IDH2: variants seen among roughly 807,000 people sequenced by gnomAD.
The protein encoded by IDH2 is isocitrate dehydrogenase (NADP(+)) 2, also known as isocitrate dehydrogenase [NADP], mitochondrial.
Under a neutral mutation model 50.5 loss-of-function variants are expected in IDH2, and 18 were observed. That is an observed-to-expected ratio of 0.36 (90% CI 0.25 to 0.53). The LOEUF (loss-of-function observed/expected upper bound fraction) is 0.53. IDH2 is among the 20% of genes least tolerant of loss of function. The probability of loss-of-function intolerance (pLI) is 0.92; values close to 1 mark genes in which losing one functional copy is unlikely to be tolerated. For missense variants in IDH2, 518 were observed against 610.7 expected (o/e 0.85, Z 1.60); for synonymous variants, 280 against 239.8 (o/e 1.17, Z -1.55).
Position 90,102,375 on chromosome 15 carries a change from G to T in IDH2, c.16C>A (p.Arg6=), listed in dbSNP as rs549177872. 332 of 1,360,676 alleles carry T rather than the reference G, an allele frequency of 2.4e-4. 1 individual carries two copies. The African/African-American group carries it at 4.7e-3, about 19-fold the overall frequency. The allele number at this position is 1,360,676 out of a possible 1,614,324, so 84.3% of individuals were successfully genotyped here. A position where few individuals can be genotyped will look rare whatever the true frequency, so the allele number is the denominator to read the frequency against. ...GCTCTGCAGAGCGAGCGCACGACCC[G>T]CAGGTAGCCGGCCATCCCAAGCTGG... MAGYL[R]VVRSLCRASG... Residue 6 remains arginine (R), a synonymous_variant, in exon 1 of 11, where the codon CGG becomes AGG. Transcript: ENST00000330062.
chr15:90,087,402 G>A (rs1900888392), intron 6 of IDH2, 37 bp downstream of exon 6: 2 of 1,613,864 alleles, frequency 1.2e-6, no homozygotes, highest in South Asian at 2.2e-5. Context: ...TGGGGGGAAG[G>A]GAAGAAAGGC....
At chr15:90,093,246 C>T (rs1901091157) in intron 1 of IDH2, among the ~76,000 whole-genome samples, 1 of 152,212 alleles carries the variant, frequency 6.6e-6, no homozygotes, top group Admixed American at 6.5e-5. Context: ...CCAAGCCAGG[C>T]TCAGACTCCG....
intron 3 of IDH2, among the ~76,000 whole-genome samples, chr15:90,089,177 G>A (rs1391253580): frequency 6.6e-6 from 1 of 152,040 alleles, no homozygotes; most frequent in Non-Finnish European, 1.5e-5. Context: ...GCTTCCCAAA[G>A]TGCTGGGATT....
At position 90,088,371 on chromosome 15, in the gene IDH2, G is replaced by T; in HGVS notation, c.666C>A (p.Tyr222Ter). 6.2e-7 allele frequency: 1 copy of T among 1,613,862 alleles called. No homozygotes were observed. ...FPAGGVGMGMYNTDESISGFA... is the reference protein window; with the variant it reads ...FPAGGVGMGM ...AAGCCAGCCTCACCTCGTCGGTGTT[G>T]TACATGCCCATGCCCACGCCGCCTG... is the stretch of plus-strand genomic sequence containing the variant. Residue 222 changes from tyrosine (Y) to a stop codon, truncating the protein, a stop_gained, in exon 5 of 11, where the codon TAC (tyrosine) becomes TAA (stop). Transcript: ENST00000330062. LOFTEE classifies it high-confidence loss of function.
chr15:90,087,580 AGG>A lies in IDH2; in HGVS notation c.679-7_679-6del, dbSNP rs1258198165. 1 of 1,612,934 alleles carries A rather than the reference AGG, an allele frequency of 6.2e-7. No homozygotes were observed. Among genetic ancestry groups the A allele is most frequent in the Non-Finnish European group, 8.5e-7 (1 of 1,180,020 alleles). The stretch of plus-strand genomic sequence containing the variant: ...GTGCGCAAAACCTGAGATGGACTGC[AGG>A]GGGAGAGACAGGGCCCTGGCGTGGT... On this transcript the variant is annotated splice_polypyrimidine_tract_variant and splice_region_variant and intron_variant, in intron 5 of 10. Transcript: ENST00000330062.
intron 1 of IDH2, among the ~76,000 whole-genome samples, chr15:90,093,660 C>T (rs1407895301): frequency 1.3e-5 from 2 of 152,038 alleles, no homozygotes; most frequent in African/African-American, 4.8e-5. Context: ...TGGTCTGTCA[C>T]CCAGGCTGGA....
intron 7 of IDH2, among the ~76,000 whole-genome samples, chr15:90,086,132 T>G (rs1900853088): frequency 1.3e-5 from 2 of 152,232 alleles, no homozygotes; most frequent in South Asian, 4.1e-4. Flanking sequence ...TGGGAATTGT[T>G]CGGTGAGAGG....
At chr15:90,086,784 G>C (rs1304196126) in intron 7 of IDH2, among the ~76,000 whole-genome samples, 6 of 152,104 alleles carry the variant, frequency 3.9e-5, no homozygotes, top group African/African-American at 1.4e-4. Flanking sequence ...AGAACCTCCA[G>C]TCCCGCTTGA....
intron 3 of IDH2, 66 bp downstream of exon 3, chr15:90,090,413 G>C: frequency 1.3e-6 from 2 of 1,562,230 alleles, no homozygotes; most frequent in East Asian, 2.3e-5. Context: ...CCCACCCCAA[G>C]TCTGGAGAGG....
rs756453792 is a variant in IDH2 at position 90,084,808 on chromosome 15, C to A, written c.1271+8G>T. 6.2e-7 allele frequency: 1 copy of A among 1,611,488 alleles called. No individual in the cohort carries two copies. The highest frequency in any genetic ancestry group is 1.1e-5 in the South Asian group (1 of 91,050). The stretch of plus-strand genomic sequence containing the variant: ...CCCAGGGTCTGCCTACCACCCCAGG[C>A]CACGCACTTGCTGAGGCCGTGAATG... On this transcript the variant is annotated splice_region_variant and intron_variant, in intron 10 of 10. Coordinates refer to ENST00000330062, the MANE Select transcript of IDH2 (RefSeq NM_002168.4). The surrounding 1 kb of genome is among the most constrained non-coding windows in gnomAD (Gnocchi z 5.0).
intron 5 of IDH2, among the ~76,000 whole-genome samples, chr15:90,088,019 A>G (rs74038815): frequency 0.011 from 1,691 of 152,110 alleles, 29 homozygotes; most frequent in African/African-American, 0.039. Context: ...ACTGGGGATA[A>G]AGAGGCATTC....
Position 90,084,826 on chromosome 15 carries a change from C to G in IDH2, c.1261G>C (p.Gly421Arg). 6.2e-7 allele frequency: 1 copy of G among 1,613,684 alleles called. No individual in the cohort carries two copies. Among genetic ancestry groups the G allele is most frequent in the Admixed American group, 1.7e-5 (1 of 60,014 alleles). Residue 421 changes from glycine to arginine, a missense_variant, in exon 10 of 11, where the codon GGC becomes CGC. Gly to Arg is a moderately radical substitution (Grantham distance 125, BLOSUM62 -2). This residue lies in a region of IDH2 where 135 missense variants were observed against 167.6 expected (regional missense o/e 0.81). Coordinates refer to ENST00000330062, the MANE Select transcript of IDH2 (RefSeq NM_002168.4). The surrounding 1 kb of genome is among the most constrained non-coding windows in gnomAD (Gnocchi z 5.0). Reference protein sequence around the residue: ...MTKDLAGCIHGLSNVKLNEHF... With the variant: ...MTKDLAGCIHRLSNVKLNEHF... ...CCCCAGGCCACGCACTTGCTGAGGC[C>G]GTGAATGCAGCCCGCCAGGTCCTTG...
Position 90,084,939 on chromosome 15 carries a change from C to T in IDH2, c.1179-31G>A. 1 of 1,612,672 alleles carries T rather than the reference C, an allele frequency of 6.2e-7. No homozygotes were observed. Among genetic ancestry groups the T allele is most frequent in the Non-Finnish European group, 8.5e-7 (1 of 1,178,762 alleles). On this transcript the variant is annotated intron_variant, in intron 9 of 10. Coordinates refer to ENST00000330062, the MANE Select transcript of IDH2 (RefSeq NM_002168.4). This position sits in a 1 kb window ranked among gnomAD's most constrained non-coding sequence, Gnocchi z 5.0. ...GGGATGGGGCAGAATGAGACCCCAT[C>T]TGTGCAAGGGCAGGACCCAGAGCCT...
At position 90,101,378 on chromosome 15, in the gene IDH2, T is replaced by C. The variant is rs560105427; in HGVS notation, c.115+898A>G. On this transcript the variant is annotated intron_variant, in intron 1 of 10. Transcript: ENST00000330062. ...CATTGTTCCCTGCCTTTTGTAGCTG[T>C]GTTGGGTAGCCAGGGTGAGGGGGCA... Among the ~76,000 whole-genome samples, 4 of 152,240 alleles carry C rather than the reference T, an allele frequency of 2.6e-5. No individual in the cohort carries two copies. The South Asian group carries it at 8.3e-4, about 32-fold the overall frequency.
chr15:90,087,603 G>A (rs376293307), intron 5 of IDH2, 28 bp from the exon 6 acceptor site: 66 of 1,612,076 alleles, frequency 4.1e-5, no homozygotes, highest in Admixed American at 1.2e-4. Context: ...GGGCCCTGGC[G>A]TGGTGCCCTA....
At position 90,084,804 on chromosome 15, in the gene IDH2, C is replaced by T. The variant is rs1900812335; in HGVS notation, c.1271+12G>A. On this transcript the variant is annotated intron_variant, in intron 10 of 10. Transcript: ENST00000330062. The surrounding 1 kb of genome is among the most constrained non-coding windows in gnomAD (Gnocchi z 5.0). ...TGGCCCCAGGGTCTGCCTACCACCC[C>T]AGGCCACGCACTTGCTGAGGCCGTG... The T allele has an allele frequency of 1.9e-6, 3 of 1,608,648 alleles. No individual in the cohort carries two copies. The highest frequency in any genetic ancestry group is 2.6e-6 in the Non-Finnish European group (3 of 1,175,772).
At chr15:90,101,015 T>A (rs898461533) in intron 1 of IDH2, among the ~76,000 whole-genome samples, 2 of 151,980 alleles carry the variant, frequency 1.3e-5, no homozygotes, top group Non-Finnish European at 2.9e-5. Context: ...ATATTTTTGC[T>A]GAAGGTGGTG....
rs1048193361 is a variant in IDH2 at position 90,101,544 on chromosome 15, C to T, written c.115+732G>A. On this transcript the variant is annotated intron_variant, in intron 1 of 10. Transcript: ENST00000330062. ...CCCAGAAGCCGTGGGAACGATTCCG[C>T]AAAGTGACATTTTGCGCGGGCTGCC... 4.6e-5 allele frequency among the ~76,000 whole-genome samples: 7 copies of T among 152,084 alleles called. No individual in the cohort carries two copies. In the East Asian group the frequency reaches 1.4e-3, roughly 29 times the overall value.
chr15:90,087,951 G>C (rs138310663), intron 5 of IDH2, among the ~76,000 whole-genome samples: 9 of 151,904 alleles, frequency 5.9e-5, no homozygotes, highest in Admixed American at 3.9e-4. Context: ...TTTCTCCCCA[G>C]GGCCTCTGTG....
Sources: allele counts gnomAD v4.1 joint callset (sites outside exome capture counted in the v4.1 genomes callset), GRCh38; gene constraint gnomAD v4.1.1; regional missense constraint gnomAD v4.1.1; non-coding constraint Gnocchi (gnomAD v3.1); transcripts MANE v1.5; gene names NCBI Gene and HGNC (gene_info 2026-07-23, HGNC 2026-07-21).